Variants in SCAI observed in about 807,000 individuals in gnomAD.
SCAI encodes the protein suppressor of cancer cell invasion.
A neutral mutation model predicts 92.2 loss-of-function variants in SCAI; 24 were observed. That is an observed-to-expected ratio of 0.26 (90% CI 0.19 to 0.37). The LOEUF (loss-of-function observed/expected upper bound fraction) is 0.37. Among genes scored for constraint, SCAI ranks in the 10% least tolerant of loss-of-function variants. The pLI, the probability that SCAI is intolerant of heterozygous loss-of-function variation, is 1.00. For missense variants in SCAI, 450 were observed against 736.2 expected (o/e 0.61, Z 4.50); for synonymous variants, 261 against 258.6 (o/e 1.01, Z -0.09).
chr9:125,105,154 A>G (rs1463054058), intron 2 of SCAI, among the ~76,000 whole-genome samples: 1 of 152,034 alleles, frequency 6.6e-6, no homozygotes. Context: ...CAACATAGTG[A>G]AACCCCATCT....
chr9:125,002,204 T>A (rs1832375416), intron 11 of SCAI, among the ~76,000 whole-genome samples, 161 bp from the exon 12 acceptor site: 1 of 152,188 alleles, frequency 6.6e-6, no homozygotes, highest in South Asian at 2.1e-4. Flanking sequence ...TTTAAAACTA[T>A]ACACACGGCA....
At chr9:124,988,547 C>T (rs1832045096) in intron 14 of SCAI, among the ~76,000 whole-genome samples, 1 of 151,802 alleles carries the variant, frequency 6.6e-6, no homozygotes, top group African/African-American at 2.4e-5. Flanking sequence ...TACATAAACA[C>T]ACATGCATCT....
intron 2 of SCAI, among the ~76,000 whole-genome samples, chr9:125,110,287 T>C (rs1834905145): frequency 6.6e-6 from 1 of 152,306 alleles, no homozygotes; most frequent in Middle Eastern, 3.4e-3. Flanking sequence ...ATCCTATATC[T>C]GTTAGAGAAG....
At chr9:124,955,036 G>A (rs1831292351) in intron 17 of SCAI, among the ~76,000 whole-genome samples, 1 of 151,962 alleles carries the variant, frequency 6.6e-6, no homozygotes, top group African/African-American at 2.4e-5. Flanking sequence ...GTGTGGTGGT[G>A]CACATCTGTA....
chr9:125,138,018 C>G (rs1267145142), intron 2 of SCAI, among the ~76,000 whole-genome samples: 2 of 152,196 alleles, frequency 1.3e-5, no homozygotes, highest in Non-Finnish European at 2.9e-5. Context: ...ACCAAAGCAA[C>G]CATTAGCAAT....
chr9:124,959,984 C>T (rs994287704), intron 17 of SCAI, among the ~76,000 whole-genome samples: 2 of 151,908 alleles, frequency 1.3e-5, no homozygotes, highest in South Asian at 2.1e-4. Context: ...TGAATAGTGC[C>T]GCAATAAACA....
intron 2 of SCAI, among the ~76,000 whole-genome samples, chr9:125,082,803 C>T (rs917682186): frequency 1.3e-5 from 2 of 152,246 alleles, no homozygotes; most frequent in Admixed American, 6.5e-5. Flanking sequence ...TTTTGAATGG[C>T]TGTATTTATC....
chr9:124,992,787 T>A (rs1274988664), intron 14 of SCAI, among the ~76,000 whole-genome samples: 1 of 152,212 alleles, frequency 6.6e-6, no homozygotes, highest in East Asian at 1.9e-4. Context: ...AACAAAAGAC[T>A]TGCTATTATT....
intron 3 of SCAI, among the ~76,000 whole-genome samples, chr9:125,032,140 G>GAA (rs1833085167): frequency 7.1e-6 from 1 of 141,480 alleles, no homozygotes; most frequent in African/African-American, 2.7e-5. Context: ...TTAGAACAGA[G>GAA]AAAACACTCA....
chr9:125,069,775 A>C (rs1315467478), intron 2 of SCAI, among the ~76,000 whole-genome samples: 2 of 151,448 alleles, frequency 1.3e-5, no homozygotes, highest in African/African-American at 2.4e-5. Flanking sequence ...GGCGCCCGCC[A>C]CCACACCTGG....
At chr9:124,992,231 G>C (rs1832142656) in intron 14 of SCAI, among the ~76,000 whole-genome samples, 1 of 151,460 alleles carries the variant, frequency 6.6e-6, no homozygotes, top group Non-Finnish European at 1.5e-5. Context: ...AAATGCTTTT[G>C]TGGGAAAAAT....
intron 13 of SCAI, among the ~76,000 whole-genome samples, chr9:124,995,710 C>G (rs140976553): frequency 6.6e-6 from 1 of 151,992 alleles, no homozygotes; most frequent in East Asian, 1.9e-4. Context: ...AGGCTGGTCT[C>G]GAACTCCTGA....
chr9:125,089,480 A>G (rs1834385514), intron 2 of SCAI, among the ~76,000 whole-genome samples: 1 of 152,170 alleles, frequency 6.6e-6, no homozygotes, highest in Admixed American at 6.5e-5. Context: ...AGTGCAAAGG[A>G]TATTATCTAG....
intron 2 of SCAI, among the ~76,000 whole-genome samples, chr9:125,059,828 G>A (rs765431151): frequency 7.9e-5 from 12 of 152,088 alleles, no homozygotes; most frequent in African/African-American, 1.9e-4. Context: ...TAGCACACAC[G>A]TACCTATTCT....
At chr9:124,979,820 CG>C (rs908043791) in intron 14 of SCAI, among the ~76,000 whole-genome samples, 2 of 152,056 alleles carry the variant, frequency 1.3e-5, no homozygotes, top group Admixed American at 6.6e-5. Context: ...GAGGCCCAGG[CG>C]GGCGGATCAC....
chr9:124,972,298 A>T (rs547002396), intron 15 of SCAI, among the ~76,000 whole-genome samples: 333 of 152,222 alleles, frequency 2.2e-3, no homozygotes, highest in African/African-American at 7.6e-3. Flanking sequence ...CACTCCCATG[A>T]TTTTAGTTAC....
At chr9:124,966,251 C>T (rs747360784) in intron 17 of SCAI, among the ~76,000 whole-genome samples, 4 of 144,314 alleles carry the variant, frequency 2.8e-5, no homozygotes, top group Non-Finnish European at 6.1e-5. Flanking sequence ...CAACAGGCCC[C>T]GGTGTGTGAT....
At chr9:125,143,268 C>A in intron 1 of SCAI, 117 bp downstream of exon 1, 1 of 610,854 alleles carries the variant, frequency 1.6e-6, no homozygotes, top group Non-Finnish European at 2.4e-6. Flanking sequence ...CAGCCTGCAC[C>A]CCCCGCCCCT....
intron 2 of SCAI, among the ~76,000 whole-genome samples, chr9:125,125,258 C>T (rs1327905774): frequency 1.3e-5 from 2 of 151,456 alleles, no homozygotes; most frequent in Admixed American, 6.6e-5. Flanking sequence ...GAAGGCCAGG[C>T]GCGGTGTCTC....
Sources: allele counts gnomAD v4.1 joint callset (sites outside exome capture counted in the v4.1 genomes callset), GRCh38; gene constraint gnomAD v4.1.1; transcripts MANE v1.5; gene names NCBI Gene and HGNC (gene_info 2026-07-23, HGNC 2026-07-21).